The following SNURF variants were observed in gnomAD, a reference collection of about 807,000 sequenced individuals.
The protein encoded by SNURF is SNRPN upstream open reading frame.
SNURF carries 6 observed loss-of-function variants against 11.6 expected under a neutral mutation model. The ratio of observed to expected loss-of-function variants is 0.52; its 90% CI spans 0.28 to 1.02. The LOEUF (loss-of-function observed/expected upper bound fraction) is 1.02. SNURF is among the 50% of genes least tolerant of loss of function. The pLI, the probability that SNURF is intolerant of heterozygous loss-of-function variation, is 0.09. For missense variants in SNURF, 84 were observed against 88.4 expected (o/e 0.95, Z 0.20); for synonymous variants, 29 against 31.6 (o/e 0.92, Z 0.27).
chr15:24,968,569 T>C (rs1052780052), downstream of SNURF, among the ~76,000 whole-genome samples: 1 of 152,188 alleles, frequency 6.6e-6, no homozygotes, highest in Non-Finnish European at 1.5e-5. Flanking sequence ...ATTAAATTAG[T>C]ATTCATTGCT....
intron 2 of SNURF, 64 bp from the exon 3 acceptor site, chr15:24,967,868 C>A: frequency 6.5e-6 from 8 of 1,221,412 alleles, no homozygotes; most frequent in East Asian, 5.3e-5. Context: ...AGTTTTCTTT[C>A]ATATGGTTTC....
chr15:24,957,501 T>A (rs190661147), intron 1 of SNURF, among the ~76,000 whole-genome samples: 9 of 152,340 alleles, frequency 5.9e-5, no homozygotes, highest in South Asian at 2.1e-4. Context: ...AGTACTTTTT[T>A]AAAAAATCAT....
At chr15:24,960,326 T>C (rs1444637451) in intron 1 of SNURF, among the ~76,000 whole-genome samples, 9 of 152,144 alleles carry the variant, frequency 5.9e-5, no homozygotes, top group Non-Finnish European at 1.5e-5. Flanking sequence ...TGGTGTCAGA[T>C]GGTGGCATTT....
chr15:24,976,342 C>T (rs2077057365), exon 5 of SNURF: 1 of 1,613,052 alleles, frequency 6.2e-7, no homozygotes, highest in Admixed American at 1.7e-5. Context: ...TGAAGAAAAG[C>T]GGGTTTTGGG....
chr15:24,956,553 A>C (rs2062936817), intron 1 of SNURF, among the ~76,000 whole-genome samples: 1 of 152,216 alleles, frequency 6.6e-6, no homozygotes. Flanking sequence ...CAGACGCAGC[A>C]GAGGTGACAG....
chr15:24,978,094 A>C (rs1338930486), downstream of SNURF: 4 of 1,321,306 alleles, frequency 3.0e-6, no homozygotes, highest in South Asian at 5.2e-5. Flanking sequence ...TGACTCTATC[A>C]TTGTTGTCTG....
intron 1 of SNURF, 61 bp downstream of exon 1, chr15:24,955,123 C>T: frequency 6.2e-7 from 1 of 1,608,970 alleles, no homozygotes; most frequent in Non-Finnish European, 8.5e-7. Context: ...TTTTATTCAT[C>T]AGATATTCCA....
chr15:24,970,917 A>G (rs2076318860), downstream of SNURF, among the ~76,000 whole-genome samples: 1 of 151,868 alleles, frequency 6.6e-6, no homozygotes, highest in Admixed American at 6.6e-5. Context: ...TTCTTTTGTC[A>G]CTTGTTTTTG....
chr15:24,971,504 T>C (rs2076399421), downstream of SNURF, among the ~76,000 whole-genome samples: 1 of 151,888 alleles, frequency 6.6e-6, no homozygotes, highest in Non-Finnish European at 1.5e-5. Context: ...AAAACATATA[T>C]CTCTTCTAGC....
intron 1 of SNURF, among the ~76,000 whole-genome samples, chr15:24,956,312 T>C (rs1596160077): frequency 6.9e-6 from 1 of 144,730 alleles, no homozygotes; most frequent in Non-Finnish European, 1.5e-5. Flanking sequence ...TCCTTCAAGA[T>C]GGCCGCCGCT....
chr15:24,968,924 C>T (rs1031443415), downstream of SNURF: 16 of 151,786 alleles, frequency 1.1e-4, no homozygotes, highest in East Asian at 3.1e-3. Flanking sequence ...CTTGTTTTTC[C>T]TCTGTGATTT....
intron 3 of SNURF, chr15:24,975,318 G>T: frequency 6.3e-7 from 1 of 1,575,336 alleles, no homozygotes. Context: ...AGACTAGGGT[G>T]TTGGCAAGCT....
At chr15:24,961,402 CCTG>C (rs1315150768) in intron 1 of SNURF, among the ~76,000 whole-genome samples, 1 of 152,094 alleles carries the variant, frequency 6.6e-6, no homozygotes, top group Non-Finnish European at 1.5e-5. Flanking sequence ...AGTGAAAGGT[CCTG>C]CTGACCTTTC....
chr15:24,961,644 GTTTT>G lies in SNURF; in HGVS notation c.15-466_15-463del, dbSNP rs148888516. 2.0e-5 allele frequency among the ~76,000 whole-genome samples: 3 copies of G among 151,940 alleles called. No homozygotes were observed. In the East Asian group the frequency reaches 5.8e-4, roughly 29 times the overall value. Reference sequence around the variant, plus strand: ...ATCCTAAAGAAAGCACCATTTGCATGTTTTTTTAAAGTAGATATTTTATAATTTA... The same window carrying G: ...ATCCTAAAGAAAGCACCATTTGCATGTTTAAAGTAGATATTTTATAATTTA... On this transcript the variant is annotated intron_variant, in intron 1 of 2. Transcript: ENST00000577949.
intron 2 of SNURF, chr15:24,967,077 C>G (rs2075748527): frequency 6.6e-6 from 1 of 152,148 alleles, no homozygotes; most frequent in African/African-American, 2.4e-5. Context: ...TAAACATCTC[C>G]CTGCAAATGC....
chr15:24,963,785 T>C (rs1477262340), intron 2 of SNURF, among the ~76,000 whole-genome samples: 1 of 151,970 alleles, frequency 6.6e-6, no homozygotes, highest in Non-Finnish European at 1.5e-5. Flanking sequence ...ATGCCTCTAA[T>C]CCCAGCATGT....
At chr15:24,973,761 CTA>C (rs141531099), downstream of SNURF, among the ~76,000 whole-genome samples, 1 of 151,608 alleles carries the variant, frequency 6.6e-6, no homozygotes, top group Non-Finnish European at 1.5e-5. Flanking sequence ...TTATGTGAGT[CTA>C]TATATATATA....
intron 2 of SNURF, chr15:24,967,183 T>G (rs932782876): frequency 1.3e-5 from 2 of 152,352 alleles, no homozygotes; most frequent in African/African-American, 4.8e-5. Context: ...CTGATGGTGT[T>G]TCTTCAAGGC....
downstream of SNURF, chr15:24,968,750 T>G (rs1313568934): frequency 2.6e-5 from 4 of 152,202 alleles, no homozygotes; most frequent in East Asian, 3.8e-4. Flanking sequence ...TGTCTTTTTC[T>G]CACTTTTCTG....
Sources: gnomAD v4.1 joint callset for allele counts (sites outside exome capture counted in the v4.1 genomes callset) on GRCh38, gnomAD v4.1.1 for gene constraint, MANE v1.5 for transcripts, NCBI Gene and HGNC (gene_info 2026-07-23, HGNC 2026-07-21) for gene names.